The following UNC13C variants were observed in gnomAD, a reference collection of about 807,000 sequenced individuals.
UNC13C encodes the protein protein unc-13 homolog C.
Under a neutral mutation model 245.4 loss-of-function variants are expected in UNC13C, and 174 were observed. The ratio of observed to expected loss-of-function variants is 0.71; its 90% CI spans 0.63 to 0.80. The LOEUF (loss-of-function observed/expected upper bound fraction) is 0.80, where lower values mean the gene tolerates loss of function less well. Among genes scored for constraint, UNC13C ranks in the 30% least tolerant of loss-of-function variants. The pLI is 0.00. For synonymous variants in UNC13C, 992 were observed against 895.1 expected (o/e 1.11, Z -1.93); for missense variants, 2,829 against 2,602.9 (o/e 1.09, Z -1.89).
intron 2 of UNC13C, among the ~76,000 whole-genome samples, chr15:54,031,412 A>T (rs1595740321): frequency 6.6e-6 from 1 of 152,098 alleles, no homozygotes; most frequent in Admixed American, 6.6e-5. Context: ...TTTAGTAGAG[A>T]CGGGGTTTCA....
intron 16 of UNC13C, among the ~76,000 whole-genome samples, chr15:54,335,070 G>A (rs951628058): frequency 2.6e-5 from 4 of 152,036 alleles, no homozygotes; most frequent in African/African-American, 7.2e-5. Context: ...TTCCTTGTAT[G>A]TGTCCATATA....
intron 10 of UNC13C, among the ~76,000 whole-genome samples, chr15:54,290,304 A>G (rs2037263601): frequency 6.6e-6 from 1 of 152,126 alleles, no homozygotes; most frequent in Non-Finnish European, 1.5e-5. Context: ...TGACAGGTTA[A>G]TAAGAAATAA....
intron 18 of UNC13C, 103 bp from the exon 19 acceptor site, chr15:54,414,879 T>C (rs1301389390): frequency 9.9e-6 from 6 of 607,240 alleles, no homozygotes; most frequent in African/African-American, 3.8e-5. Context: ...AAAGTATTTA[T>C]GAACTATGTA....
chr15:54,226,748 CTG>C (rs969143814), intron 4 of UNC13C, among the ~76,000 whole-genome samples: 6 of 152,164 alleles, frequency 3.9e-5, no homozygotes, highest in Non-Finnish European at 7.3e-5. Flanking sequence ...CATGTTGGCT[CTG>C]TGAGAAGGTG....
intron 17 of UNC13C, among the ~76,000 whole-genome samples, chr15:54,378,312 A>T (rs2140894708): frequency 6.6e-6 from 1 of 152,280 alleles, no homozygotes; most frequent in South Asian, 2.1e-4. Context: ...CAGTGCTTTT[A>T]AAGAGGTGAT....
At chr15:54,178,029 A>C (rs577458951) in intron 4 of UNC13C, among the ~76,000 whole-genome samples, 1 of 152,292 alleles carries the variant, frequency 6.6e-6, no homozygotes, top group South Asian at 2.1e-4. Flanking sequence ...ATAAAAATAA[A>C]AACACTATAC....
chr15:54,449,027 T>C (rs1001285804), intron 19 of UNC13C, among the ~76,000 whole-genome samples: 1 of 152,126 alleles, frequency 6.6e-6, no homozygotes, highest in African/African-American at 2.4e-5. Flanking sequence ...TTCTCCTTCA[T>C]TTATGAAGCT....
At chr15:53,961,938 CTTCT>C in the UNC13C span, among the ~76,000 whole-genome samples, 7 of 152,142 alleles carry the variant, frequency 4.6e-5, no homozygotes, top group Non-Finnish European at 1.0e-4. Flanking sequence ...TTCACTTATT[CTTCT>C]TTCTTATCTT....
At chr15:54,068,065 A>C (rs1310765663) in intron 2 of UNC13C, among the ~76,000 whole-genome samples, 1 of 152,110 alleles carries the variant, frequency 6.6e-6, no homozygotes, top group Non-Finnish European at 1.5e-5. Flanking sequence ...CCATCCCTTC[A>C]ATTTCATTAC....
At chr15:54,251,065 A>G (rs1166039873) in intron 8 of UNC13C, among the ~76,000 whole-genome samples, 1 of 151,714 alleles carries the variant, frequency 6.6e-6, no homozygotes, top group African/African-American at 2.4e-5. Context: ...GCCCCTATCT[A>G]TTTTCTTACT....
chr15:53,852,324 G>A, the UNC13C span, among the ~76,000 whole-genome samples: 1 of 152,006 alleles, frequency 6.6e-6, no homozygotes, highest in Non-Finnish European at 1.5e-5. Flanking sequence ...ACATTTTTTC[G>A]AACAGGGCTT....
At chr15:53,967,303 G>A in the UNC13C span, among the ~76,000 whole-genome samples, 1 of 149,334 alleles carries the variant, frequency 6.7e-6, no homozygotes, top group Non-Finnish European at 1.5e-5. Context: ...TTTATAAAAT[G>A]AGTTTTTAAG....
chr15:54,074,417 G>T (rs1277071009), intron 2 of UNC13C, among the ~76,000 whole-genome samples: 1 of 152,192 alleles, frequency 6.6e-6, no homozygotes, highest in African/African-American at 2.4e-5. Flanking sequence ...TGTGAATAAA[G>T]TCAGTGGTAG....
At chr15:54,112,164 C>A (rs1295385196) in intron 2 of UNC13C, among the ~76,000 whole-genome samples, 3 of 152,188 alleles carry the variant, frequency 2.0e-5, no homozygotes, top group Admixed American at 2.0e-4. Flanking sequence ...ACTTATGAAG[C>A]AACATCATTC....
intron 2 of UNC13C, among the ~76,000 whole-genome samples, chr15:54,083,206 A>C (rs1169742427): frequency 2.0e-5 from 3 of 152,094 alleles, no homozygotes; most frequent in Non-Finnish European, 2.9e-5. Context: ...TCCCTTCCCT[A>C]TCATGGCCCT....
chr15:53,865,137 T>C, the UNC13C span, among the ~76,000 whole-genome samples: 1 of 152,216 alleles, frequency 6.6e-6, no homozygotes, highest in South Asian at 2.1e-4. Context: ...TCTACTTTGA[T>C]GGATATTTAA....
chr15:54,402,774 T>C (rs2040213533), intron 18 of UNC13C, among the ~76,000 whole-genome samples: 1 of 152,192 alleles, frequency 6.6e-6, no homozygotes, highest in South Asian at 2.1e-4. Context: ...TAAGCAGCCC[T>C]TTGAAATAAC....
chr15:54,431,425 G>T (rs913614278), intron 19 of UNC13C, among the ~76,000 whole-genome samples: 2 of 151,324 alleles, frequency 1.3e-5, no homozygotes, highest in African/African-American at 2.4e-5. Context: ...GTCTAATAGG[G>T]TATCTAATAT....
At chr15:54,324,981 T>C (rs1157190088) in intron 14 of UNC13C, among the ~76,000 whole-genome samples, 1 of 152,060 alleles carries the variant, frequency 6.6e-6, no homozygotes, top group African/African-American at 2.4e-5. Context: ...TTTTTATTCC[T>C]CATCAGCTAT....
Sources: allele counts gnomAD v4.1 joint callset (sites outside exome capture counted in the v4.1 genomes callset), GRCh38; gene constraint gnomAD v4.1.1; transcripts MANE v1.5; gene names NCBI Gene and HGNC (gene_info 2026-07-23, HGNC 2026-07-21).